The following NPEPPS variants were observed in gnomAD, a reference collection of about 807,000 sequenced individuals.
NPEPPS encodes the protein puromycin-sensitive aminopeptidase.
NPEPPS carries 14 observed loss-of-function variants against 115.5 expected under a neutral mutation model. The observed-to-expected ratio is 0.12, with a 90% CI of 0.08 to 0.19. NPEPPS has a LOEUF of 0.19. Among genes scored for constraint, NPEPPS ranks in the 10% least tolerant of loss-of-function variants. The pLI is 1.00. For synonymous variants in NPEPPS, 285 were observed against 390.6 expected (o/e 0.73, Z 3.19); for missense variants, 523 against 1,110.8 (o/e 0.47, Z 7.52).
chr17:47,532,349 C>T lies in NPEPPS; in HGVS notation c.255+794C>T, dbSNP rs141674200. On this transcript the variant is annotated intron_variant, in intron 1 of 22. Coordinates refer to ENST00000322157, the MANE Select transcript of NPEPPS (RefSeq NM_006310.4). Reference sequence around the variant, plus strand: ...TATTGCTACCGTGATGGTTGCTTAGCAGTACCTTCCTCTCCCAAGAAGCTG... The same window carrying T: ...TATTGCTACCGTGATGGTTGCTTAGTAGTACCTTCCTCTCCCAAGAAGCTG... 1.1e-4 allele frequency among the ~76,000 whole-genome samples: 16 copies of T among 152,164 alleles called. No homozygotes were observed. In the East Asian group the frequency reaches 2.5e-3, roughly 24 times the overall value.
At chr17:47,523,509 C>T (rs1907302790) in intron 1 of NPEPPS, among the ~76,000 whole-genome samples, 1 of 151,908 alleles carries the variant, frequency 6.6e-6, no homozygotes, top group African/African-American at 2.4e-5. Flanking sequence ...CAAACTCCAC[C>T]TCCTGGGTTG....
chr17:47,603,798 G>T, intron 15 of NPEPPS, 117 bp from the exon 16 acceptor site: 2 of 858,852 alleles, frequency 2.3e-6, no homozygotes, highest in South Asian at 3.8e-5. Context: ...GGCATAGATG[G>T]TCTTAATTGT....
At chr17:47,546,367 A>C (rs1909215502) in intron 2 of NPEPPS, among the ~76,000 whole-genome samples, 2 of 152,214 alleles carry the variant, frequency 1.3e-5, no homozygotes, top group South Asian at 4.1e-4. Flanking sequence ...CCGAGGCTGC[A>C]GTGAGCCATG....
upstream of NPEPPS, among the ~76,000 whole-genome samples, chr17:47,528,915 C>T (rs995246726): frequency 4.6e-5 from 7 of 151,974 alleles, no homozygotes; most frequent in Admixed American, 2.0e-4. Context: ...GGATTACAGG[C>T]GTGAGCCACC....
chr17:47,580,477 C>T (rs35919601), intron 4 of NPEPPS: 68,194 of 151,712 alleles, frequency 0.45, 16,287 homozygotes, highest in East Asian at 0.55. Context: ...CTTTCATTTG[C>T]CTTTATACAT....
At chr17:47,569,371 TGTCA>T (rs1409352973) in intron 2 of NPEPPS, 42 bp from the exon 3 acceptor site, 1 of 1,260,508 alleles carries the variant, frequency 7.9e-7, no homozygotes, top group Non-Finnish European at 1.1e-6. Context: ...GATTTCGTCT[TGTCA>T]GTCCAGTCAG....
intron 2 of NPEPPS, among the ~76,000 whole-genome samples, chr17:47,561,217 A>G (rs1156754391): frequency 2.6e-5 from 4 of 151,988 alleles, no homozygotes; most frequent in Non-Finnish European, 5.9e-5. Flanking sequence ...TTTATTATGT[A>G]TAGACATAAA....
intron 2 of NPEPPS, among the ~76,000 whole-genome samples, chr17:47,568,345 A>G (rs1910967559): frequency 6.6e-6 from 1 of 151,986 alleles, no homozygotes; most frequent in Non-Finnish European, 1.5e-5. Context: ...TAAGTTTTGT[A>G]TTTTTAGTAA....
upstream of NPEPPS, chr17:47,530,971 C>G: frequency 6.5e-6 from 1 of 152,862 alleles, no homozygotes; most frequent in Non-Finnish European, 1.4e-5. Context: ...GCCCTGCGCT[C>G]GCGCGAGCAA....
At chr17:47,615,083 T>TTTTTA in intron 19 of NPEPPS, among the ~76,000 whole-genome samples, 1 of 44,228 alleles carries the variant, frequency 2.3e-5, no homozygotes, top group African/African-American at 5.4e-5. Context: ...CTTTTTTTTT[T>TTTTTA]TTTTTTTTTT....
intron 17 of NPEPPS, among the ~76,000 whole-genome samples, chr17:47,611,999 T>G (rs1015523925): frequency 1.4e-4 from 21 of 152,242 alleles, no homozygotes; most frequent in African/African-American, 5.1e-4. Flanking sequence ...CATCTTTTTA[T>G]GTGCTTATTG....
In NPEPPS at chr17:47,586,375, G is replaced by C. The variant is rs1242693193; in HGVS notation, c.957G>C (p.Glu319Asp). Residue 319 changes from glutamate (E) to aspartate (D), a missense_variant, in exon 8 of 23, where the codon GAG (glutamate) becomes GAC (aspartate). By Grantham distance (45) the Glu-to-Asp change is conservative. This residue lies in a region of NPEPPS where 144 missense variants were observed against 512.4 expected (regional missense o/e 0.28). Transcript: ENST00000322157. ...ATTTATTTTGTGAAGGTGCCATGGA[G>C]AACTGGGGCCTTGTTACTTATAGGT... is the stretch of plus-strand genomic sequence containing the variant. ...AIADFAAGAM[E>D]NWGLVTYRET... 6.5e-7 allele frequency: 1 copy of C among 1,529,046 alleles called. No homozygotes were observed. Among genetic ancestry groups the C allele is most frequent in the Non-Finnish European group, 8.8e-7 (1 of 1,134,160 alleles). The allele number at this position is 1,529,046 out of a possible 1,614,324, so 94.7% of individuals were successfully genotyped here. A position where few individuals can be genotyped will look rare whatever the true frequency, so the allele number is the denominator to read the frequency against.
chr17:47,578,885 A>G (rs1354909321), intron 3 of NPEPPS, among the ~76,000 whole-genome samples: 1 of 152,186 alleles, frequency 6.6e-6, no homozygotes, highest in Non-Finnish European at 1.5e-5. Context: ...ATTCACATGT[A>G]TAATTGGCAG....
At chr17:47,616,784 CAAA>C (rs567081295) in intron 19 of NPEPPS, among the ~76,000 whole-genome samples, 5 of 85,544 alleles carry the variant, frequency 5.8e-5, no homozygotes, top group African/African-American at 4.1e-5. Context: ...GACTCCATCT[CAAA>C]AAAAAAAAAA....
intron 12 of NPEPPS, among the ~76,000 whole-genome samples, chr17:47,595,367 G>A (rs372490390): frequency 1.2e-4 from 19 of 152,114 alleles, no homozygotes; most frequent in African/African-American, 4.6e-4. Flanking sequence ...CGTCCAGCCT[G>A]GATATTTTTA....
At chr17:47,620,000 A>G in intron 22 of NPEPPS, 1 of 437,188 alleles carries the variant, frequency 2.3e-6, no homozygotes, top group Non-Finnish European at 4.2e-6. Context: ...TGGGAGGCCG[A>G]GGTGGGTGGA....
intron 17 of NPEPPS, 21 bp from the exon 18 acceptor site, chr17:47,612,439 C>G: frequency 6.2e-7 from 1 of 1,612,626 alleles, no homozygotes; most frequent in South Asian, 1.1e-5. Flanking sequence ...AGTCTTATGT[C>G]TCTTTTACTT....
rs780867054 is a variant in NPEPPS at position 47,531,574 on chromosome 17, C to A, written c.255+19C>A. The A allele has an allele frequency of 2.1e-5, 33 of 1,586,774 alleles. No homozygotes were observed. Among genetic ancestry groups the A allele is most frequent in the Non-Finnish European group, 1.7e-5 (20 of 1,168,704 alleles). On this transcript the variant is annotated intron_variant, in intron 1 of 22. Transcript: ENST00000322157. ...CGCCCAGGTACAGCGACCCTCGGGC[C>A]CCGGGGCAAGCTGCGGGGCGAGCAG...
In NPEPPS at chr17:47,524,518, G is replaced by A. The variant is rs1056480030; in HGVS notation, c.77+1455G>A. On this transcript the variant is annotated intron_variant, in intron 1 of 5. Transcript: ENST00000525007. ...AAAAACATTTTTTTTTTTTTGAGAC[G>A]GAGTCTTGCTCTGTTGCGCAGGCTG... Among the ~76,000 whole-genome samples, 24 of 150,856 alleles carry A rather than the reference G, an allele frequency of 1.6e-4. No individual in the cohort carries two copies. In the East Asian group the frequency reaches 2.8e-3, roughly 17 times the overall value.
Sources: gnomAD v4.1 joint callset for allele counts (sites outside exome capture counted in the v4.1 genomes callset) on GRCh38, gnomAD v4.1.1 for gene constraint, gnomAD v4.1.1 regional missense constraint, MANE v1.5 for transcripts, NCBI Gene and HGNC (gene_info 2026-07-23, HGNC 2026-07-21) for gene names.